Variants in FAM149A observed in about 807,000 individuals in gnomAD.
The protein encoded by FAM149A is family with sequence similarity 149 member A, also known as protein FAM149A.
In FAM149A, 71 loss-of-function variants were observed where a neutral mutation model predicts 78.2. That is an observed-to-expected ratio of 0.91 (90% confidence interval 0.75 to 1.11). FAM149A has a LOEUF of 1.11. Among genes scored for constraint, FAM149A ranks in the 50% least tolerant of loss-of-function variants. FAM149A has a pLI of 0.00. For synonymous variants in FAM149A, 446 were observed against 410.5 expected (o/e 1.09, Z -1.04); for missense variants, 1,036 against 971.0 (o/e 1.07, Z -0.89).
chr4:186,165,847 G>A lies in FAM149A; in HGVS notation c.2010+383G>A, dbSNP rs534869269. ...GTGCAAGTCACTTTAATCTCCCTGA[G>A]CCTTAGTGTTCTCTGTAAAAGGGGA... On this transcript the variant is annotated intron_variant, in intron 11 of 13. Coordinates refer to ENST00000389354, the MANE Select transcript of FAM149A (RefSeq NM_001367768.3). 9.8e-5 allele frequency among the ~76,000 whole-genome samples: 15 copies of A among 152,310 alleles called. No individual in the cohort carries two copies. The South Asian group carries it at 2.9e-3, about 29-fold the overall frequency.
intron 6 of FAM149A, chr4:186,155,087 C>T (rs977658904): frequency 5.0e-5 from 13 of 261,282 alleles, no homozygotes; most frequent in Admixed American, 1.3e-4. Flanking sequence ...CTCAGCCTCC[C>T]GAGTAGCTGG....
chr4:186,112,537 CATAG>C (rs2150080489), intron 1 of FAM149A, among the ~76,000 whole-genome samples: 1 of 46,568 alleles, frequency 2.1e-5, no homozygotes, highest in South Asian at 9.7e-4. Flanking sequence ...GTGGGTTTGT[CATAG>C]ATAGCTCTTA....
rs1325798473 is a variant in FAM149A, at chr4:186,172,004, C to T, written c.*17C>T. ...ACATCTTGAAACCACCTCACCAGAA[C>T]CATTGGAGCACCTGTGGCCTCGGCA... On this transcript the variant is annotated 3_prime_UTR_variant, in exon 14 of 14. Transcript: ENST00000389354. 1.2e-6 allele frequency: 2 copies of T among 1,608,738 alleles called. No homozygotes were observed. The highest frequency in any genetic ancestry group is 2.7e-5 in the African/African-American group (2 of 74,602).
chr4:186,146,352 G>A, intron 1 of FAM149A: 1 of 406,792 alleles, frequency 2.5e-6, no homozygotes, highest in Non-Finnish European at 3.3e-6. Context: ...TAATTGGTGT[G>A]ACTGTTACCC....
At chr4:186,146,069 T>C (rs1207457820) in intron 1 of FAM149A, among the ~76,000 whole-genome samples, 1 of 152,196 alleles carries the variant, frequency 6.6e-6, no homozygotes, top group East Asian at 1.9e-4. Context: ...TAGTAACTTG[T>C]GCCACTGGAG....
intron 1 of FAM149A, among the ~76,000 whole-genome samples, chr4:186,137,746 A>C (rs1006030519): frequency 2.0e-5 from 3 of 152,122 alleles, no homozygotes; most frequent in Non-Finnish European, 4.4e-5. Flanking sequence ...CATGCTCATA[A>C]AAGAAAAATT....
intron 13 of FAM149A, chr4:186,171,216 C>G (rs570043190): frequency 6.5e-6 from 1 of 152,782 alleles, no homozygotes; most frequent in Non-Finnish European, 1.5e-5. Context: ...CATGTAACCC[C>G]GCATCCGCCT....
Position 186,156,058 on chromosome 4 carries a change from G to A in FAM149A, c.1288G>A (p.Gly430Arg), listed in dbSNP as rs950689691. ...GCCCGGTAGGAAATGGCGCAAACTC[G>A]GACTTCCTCCTGTTTCCCCGCGTGA... Residue 430 changes from glycine (G) to arginine (R), a missense_variant, in exon 7 of 14, where the codon GGA becomes AGA. By Grantham distance (125) the Gly-to-Arg change is moderately radical. Transcript: ENST00000389354. The A allele has an allele frequency of 4.3e-6, 7 of 1,613,728 alleles. No homozygotes were observed. In the African/African-American group the frequency reaches 6.7e-5, roughly 15 times the overall value.
chr4:186,117,794 C>A, intron 1 of FAM149A: 1 of 799,218 alleles, frequency 1.3e-6, no homozygotes, highest in Non-Finnish European at 1.5e-6. Flanking sequence ...TAGTAGGAAG[C>A]TCTAGGAATA....
chr4:186,135,232 T>G (rs542321390), intron 1 of FAM149A, among the ~76,000 whole-genome samples: 1 of 152,352 alleles, frequency 6.6e-6, no homozygotes, highest in East Asian at 1.9e-4. Flanking sequence ...TTGCCTCTAC[T>G]CTCACGTTTT....
At chr4:186,128,480 A>G (rs2099319303) in intron 1 of FAM149A, among the ~76,000 whole-genome samples, 1 of 151,956 alleles carries the variant, frequency 6.6e-6, no homozygotes, top group African/African-American at 2.4e-5. Flanking sequence ...TTATAAAAAA[A>G]AAAACCAAAA....
intron 1 of FAM149A, among the ~76,000 whole-genome samples, chr4:186,130,941 C>T (rs1194792638): frequency 6.6e-6 from 1 of 152,124 alleles, no homozygotes. Flanking sequence ...CTGTGCCTTT[C>T]CCCCAAGTTC....
intron 3 of FAM149A, among the ~76,000 whole-genome samples, chr4:186,150,666 G>A (rs1352188785): frequency 2.7e-5 from 4 of 146,864 alleles, no homozygotes; most frequent in South Asian, 2.2e-4. Flanking sequence ...TGATCCGCCC[G>A]TCTCGGCCTC....
intron 3 of FAM149A, among the ~76,000 whole-genome samples, chr4:186,151,293 G>A (rs1733562709): frequency 6.6e-6 from 1 of 152,094 alleles, no homozygotes; most frequent in Non-Finnish European, 1.5e-5. Flanking sequence ...CCAAATTCTA[G>A]GATTCTTTTA....
At chr4:186,160,712 C>CCA (rs200146659) in intron 8 of FAM149A, 6 of 822,048 alleles carry the variant, frequency 7.3e-6, no homozygotes, top group African/African-American at 1.9e-5. Context: ...CTACCACACA[C>CCA]CACACACACA....
chr4:186,123,622 C>A (rs543844387), intron 1 of FAM149A, among the ~76,000 whole-genome samples: 101 of 152,298 alleles, frequency 6.6e-4, no homozygotes, highest in African/African-American at 2.4e-3. Flanking sequence ...GATCAAGGAC[C>A]AAACACTTTC....
intron 6 of FAM149A, among the ~76,000 whole-genome samples, chr4:186,155,320 C>T (rs893938060): frequency 5.9e-5 from 9 of 152,068 alleles, no homozygotes; most frequent in African/African-American, 9.7e-5. Context: ...AACTTTGCCC[C>T]GTGATTGAAA....
chr4:186,168,265 A>G (rs1323339672), intron 13 of FAM149A, among the ~76,000 whole-genome samples: 2 of 152,104 alleles, frequency 1.3e-5, no homozygotes, highest in African/African-American at 4.8e-5. Flanking sequence ...CTTTTCTTGT[A>G]TGTTCCTTAG....
intron 6 of FAM149A, 23 bp downstream of exon 6, chr4:186,154,661 T>C (rs2126482827): frequency 6.3e-7 from 1 of 1,593,906 alleles, no homozygotes; most frequent in Non-Finnish European, 8.6e-7. Flanking sequence ...TTATTTGACA[T>C]TGACCTCATA....
Sources: allele counts gnomAD v4.1 joint callset (sites outside exome capture counted in the v4.1 genomes callset), GRCh38; gene constraint gnomAD v4.1.1; transcripts MANE v1.5; gene names NCBI Gene and HGNC (gene_info 2026-07-23, HGNC 2026-07-21).